The following FSTL5 variants were observed in gnomAD, a reference collection of about 807,000 sequenced individuals.
The protein encoded by FSTL5 is follistatin like 5.
In FSTL5, 62 loss-of-function variants were observed where a neutral mutation model predicts 89.1. The observed-to-expected ratio is 0.70, with a 90% CI of 0.57 to 0.86. FSTL5 has a LOEUF of 0.86. FSTL5 is among the 40% of genes least tolerant of loss of function. The pLI, the probability that FSTL5 is intolerant of heterozygous loss-of-function variation, is 0.00. For synonymous variants in FSTL5, 383 were observed against 346.2 expected (o/e 1.11, Z -1.18); for missense variants, 1,057 against 1,001.6 (o/e 1.06, Z -0.75).
At chr4:161,545,190 A>G (rs946396007) in intron 8 of FSTL5, among the ~76,000 whole-genome samples, 4 of 152,086 alleles carry the variant, frequency 2.6e-5, no homozygotes, top group Non-Finnish European at 1.5e-5. Flanking sequence ...GAATGGCAGA[A>G]TCAGTACAGA....
At chr4:161,595,653 T>C (rs1180924328) in intron 7 of FSTL5, among the ~76,000 whole-genome samples, 1 of 151,992 alleles carries the variant, frequency 6.6e-6, no homozygotes, top group African/African-American at 2.4e-5. Flanking sequence ...TTTAATAACC[T>C]ATAGATGATG....
chr4:162,064,941 A>G (rs1176921228), intron 2 of FSTL5, among the ~76,000 whole-genome samples: 1 of 152,026 alleles, frequency 6.6e-6, no homozygotes, highest in Non-Finnish European at 1.5e-5. Flanking sequence ...GATCCCAGAA[A>G]TAAGCCCATG....
At chr4:161,787,706 T>A (rs1741954083) in intron 4 of FSTL5, among the ~76,000 whole-genome samples, 1 of 152,120 alleles carries the variant, frequency 6.6e-6, no homozygotes, top group Admixed American at 6.5e-5. Context: ...GGATGTGTGT[T>A]TGAGTGTCTG....
chr4:162,155,285 A>C (rs1733423695), intron 1 of FSTL5, among the ~76,000 whole-genome samples: 1 of 152,214 alleles, frequency 6.6e-6, no homozygotes, highest in South Asian at 2.1e-4. Flanking sequence ...AAGCAGAAGC[A>C]GTCAGATTAA....
intron 3 of FSTL5, among the ~76,000 whole-genome samples, chr4:162,004,192 C>T (rs1736546418): frequency 6.6e-6 from 1 of 152,180 alleles, no homozygotes; most frequent in Non-Finnish European, 1.5e-5. Context: ...ACACCCCAAA[C>T]TGTACTCGTG....
chr4:161,601,417 C>T (rs1734232419), intron 7 of FSTL5, among the ~76,000 whole-genome samples: 1 of 150,566 alleles, frequency 6.6e-6, no homozygotes, highest in Non-Finnish European at 1.5e-5. Flanking sequence ...AAGAGAAAGA[C>T]CCTCCTTGTT....
At chr4:161,850,499 T>C (rs879383211) in intron 4 of FSTL5, among the ~76,000 whole-genome samples, 4 of 152,042 alleles carry the variant, frequency 2.6e-5, no homozygotes, top group Non-Finnish European at 4.4e-5. Flanking sequence ...CAGGTGTGCG[T>C]ATGCTGGGTG....
intron 4 of FSTL5, among the ~76,000 whole-genome samples, chr4:161,905,042 C>A (rs1312049996): frequency 6.6e-6 from 1 of 151,692 alleles, no homozygotes; most frequent in African/African-American, 2.4e-5. Flanking sequence ...TTTAACAAGC[C>A]TAATATCATG....
At chr4:162,106,147 C>A (rs73861079) in intron 2 of FSTL5, among the ~76,000 whole-genome samples, 5 of 152,094 alleles carry the variant, frequency 3.3e-5, no homozygotes, top group Admixed American at 1.3e-4. Flanking sequence ...TCATGTACAC[C>A]CTTTGCCCCA....
At chr4:161,885,116 G>C (rs1732765532) in intron 4 of FSTL5, among the ~76,000 whole-genome samples, 1 of 151,980 alleles carries the variant, frequency 6.6e-6, no homozygotes, top group South Asian at 2.1e-4. Flanking sequence ...AGGGTGTAGA[G>C]TAGTCTAAAA....
chr4:161,401,959 T>A (rs1731193759), intron 15 of FSTL5, among the ~76,000 whole-genome samples: 1 of 152,220 alleles, frequency 6.6e-6, no homozygotes, highest in African/African-American at 2.4e-5. Context: ...CTTATTTTTC[T>A]TATTTTACTA....
intron 4 of FSTL5, among the ~76,000 whole-genome samples, chr4:161,879,242 T>C (rs183386936): frequency 6.6e-6 from 1 of 152,292 alleles, no homozygotes; most frequent in Admixed American, 6.5e-5. Flanking sequence ...CAAGAATTTC[T>C]TCACACCTCC....
intron 15 of FSTL5, among the ~76,000 whole-genome samples, chr4:161,388,761 C>T (rs969834446): frequency 1.3e-5 from 2 of 152,092 alleles, no homozygotes; most frequent in Non-Finnish European, 2.9e-5. Flanking sequence ...CAGCTCTCCT[C>T]TTAACCTTGA....
chr4:161,674,931 C>T (rs1283329993), intron 6 of FSTL5, among the ~76,000 whole-genome samples: 1 of 152,072 alleles, frequency 6.6e-6, no homozygotes, highest in Non-Finnish European at 1.5e-5. Flanking sequence ...GATGGAGAAC[C>T]TCTCTTCCAC....
At chr4:161,411,930 C>T (rs948591808) in intron 15 of FSTL5, among the ~76,000 whole-genome samples, 1 of 152,162 alleles carries the variant, frequency 6.6e-6, no homozygotes, top group Non-Finnish European at 1.5e-5. Context: ...TGTGATTCTA[C>T]AGATAGAAAA....
chr4:161,822,774 G>A (rs1730532139), intron 4 of FSTL5, among the ~76,000 whole-genome samples: 1 of 152,168 alleles, frequency 6.6e-6, no homozygotes, highest in African/African-American at 2.4e-5. Flanking sequence ...CTGAGTTCTT[G>A]TCTCACGTCC....
intron 15 of FSTL5, among the ~76,000 whole-genome samples, chr4:161,427,797 A>C (rs560887781): frequency 2.6e-5 from 4 of 152,332 alleles, no homozygotes; most frequent in Non-Finnish European, 5.9e-5. Context: ...AATTATTTTT[A>C]ATCAAGAAGT....
At chr4:161,562,504 ATTC>A (rs1356329032) in intron 8 of FSTL5, among the ~76,000 whole-genome samples, 2 of 151,878 alleles carry the variant, frequency 1.3e-5, no homozygotes, top group African/African-American at 4.8e-5. Context: ...TATTTCTATA[ATTC>A]TTCTATAATT....
chr4:161,949,370 A>G (rs1400049553), intron 3 of FSTL5, among the ~76,000 whole-genome samples: 1 of 152,138 alleles, frequency 6.6e-6, no homozygotes, highest in Non-Finnish European at 1.5e-5. Context: ...GCTACTATTA[A>G]GTCTACCATA....
Sources: gnomAD v4.1 joint callset for allele counts (sites outside exome capture counted in the v4.1 genomes callset) on GRCh38, gnomAD v4.1.1 for gene constraint, MANE v1.5 for transcripts, NCBI Gene and HGNC (gene_info 2026-07-23, HGNC 2026-07-21) for gene names.